The following CEP192 variants were observed in gnomAD, a reference collection of about 807,000 sequenced individuals.
CEP192 encodes centrosomal protein of 192 kDa.
CEP192 carries 151 observed loss-of-function variants against 271.8 expected under a neutral mutation model. That is an observed-to-expected ratio of 0.56 (90% confidence interval 0.49 to 0.64). The LOEUF (loss-of-function observed/expected upper bound fraction) is 0.64. CEP192 is among the 30% of genes least tolerant of loss of function. The probability of loss-of-function intolerance (pLI) is 0.00; values close to 1 mark genes in which losing one functional copy is unlikely to be tolerated. For missense variants in CEP192, 2,910 were observed against 3,020.5 expected, an observed-to-expected ratio of 0.96 and a Z score of 0.86; for synonymous variants, 995 against 1,076.5, an observed-to-expected ratio of 0.92 and a Z score of 1.48.
chr18:13,114,271 C>G lies in CEP192; in HGVS notation c.7289+20C>G, dbSNP rs771090359. On this transcript the variant is annotated intron_variant, in intron 42 of 44. Transcript: ENST00000506447. ...ACCTGAGTATGTTGTTTTTGTCATT[C>G]TTATGAGTTTTTTCCCAGTACTTTA... The G allele has an allele frequency of 1.4e-5, 22 of 1,607,406 alleles. No individual in the cohort carries two copies. In the South Asian group the frequency reaches 2.5e-4, roughly 18 times the overall value.
chr18:13,092,403 G>A lies in CEP192; in HGVS notation c.6130G>A (p.Asp2044Asn), dbSNP rs1243147320. The A allele has an allele frequency of 6.2e-7, 1 of 1,600,762 alleles. No individual in the cohort carries two copies. The highest frequency in any genetic ancestry group is 8.5e-7 in the Non-Finnish European group (1 of 1,171,632). The change falls in exon 34 of 45, where the codon GAT becomes AAT. Residue 2044 changes from aspartate to asparagine, a missense_variant. Asp to Asn is a conservative substitution (Grantham distance 23). Transcript: ENST00000506447. ...ATATGATCTTCCCCAACGACCTAAT[G>A]ATGTTCAGCTCTTTTATGGAAGCAT... is the stretch of plus-strand genomic sequence containing the variant. ...EVYDLPQRPN[D>N]VQLFYGSMCK...
chr18:13,015,720 G>T (rs1323000791), intron 6 of CEP192, among the ~76,000 whole-genome samples: 1 of 151,618 alleles, frequency 6.6e-6, no homozygotes, highest in Non-Finnish European at 1.5e-5. Context: ...ATATAGCATT[G>T]TGTTTAGAAA....
chr18:12,994,822 G>A (rs185654358), intron 1 of CEP192, among the ~76,000 whole-genome samples: 1 of 152,300 alleles, frequency 6.6e-6, no homozygotes, highest in East Asian at 1.9e-4. Flanking sequence ...TCCCTAGTGT[G>A]TAAGAAGTAA....
intron 17 of CEP192, 65 bp from the exon 18 acceptor site, chr18:13,052,854 T>G (rs2036868563): frequency 2.6e-5 from 34 of 1,297,864 alleles, no homozygotes; most frequent in Non-Finnish European, 3.4e-5. Context: ...TAGGAATGGT[T>G]TTTTGCTAAT....
At chr18:13,000,638 T>C (rs2033583377) in intron 2 of CEP192, among the ~76,000 whole-genome samples, 1 of 152,252 alleles carries the variant, frequency 6.6e-6, no homozygotes, top group South Asian at 2.1e-4. Context: ...TTTCAGCTCC[T>C]GAAGTCAAGT....
chr18:13,039,310 C>T (rs61364693), intron 13 of CEP192, among the ~76,000 whole-genome samples: 20,816 of 151,926 alleles, frequency 0.14, 1,587 homozygotes, highest in East Asian at 0.31. Context: ...AAAAAATTAG[C>T]CAGATATGGT....
At chr18:13,079,130 A>G (rs2038451693) in intron 30 of CEP192, among the ~76,000 whole-genome samples, 1 of 152,252 alleles carries the variant, frequency 6.6e-6, no homozygotes. Context: ...AGCATGAATT[A>G]TAATCCTTTG....
intron 7 of CEP192, among the ~76,000 whole-genome samples, 177 bp downstream of exon 7, chr18:13,017,513 C>G (rs2034724353): frequency 6.6e-6 from 1 of 152,114 alleles, no homozygotes; most frequent in African/African-American, 2.4e-5. Flanking sequence ...TGGTACCTTT[C>G]CCTCACCTAC....
chr18:13,070,403 GTAAA>G (rs2037949513), intron 27 of CEP192, among the ~76,000 whole-genome samples: 1 of 152,144 alleles, frequency 6.6e-6, no homozygotes, highest in Non-Finnish European at 1.5e-5. Context: ...TCTGACAAAA[GTAAA>G]TAATAAAAGA....
chr18:13,020,430 G>T (rs575182745), intron 9 of CEP192, among the ~76,000 whole-genome samples: 71 of 152,194 alleles, frequency 4.7e-4, no homozygotes, highest in African/African-American at 1.6e-3. Flanking sequence ...TCTTATGGCC[G>T]AATAATGTTC....
chr18:13,007,212 A>G (rs1040395829), intron 3 of CEP192, among the ~76,000 whole-genome samples: 1 of 152,196 alleles, frequency 6.6e-6, no homozygotes, highest in Admixed American at 6.5e-5. Context: ...GTTCTTACCC[A>G]GATTGCTTCA....
At chr18:13,002,063 A>AT (rs912989064) in intron 3 of CEP192, among the ~76,000 whole-genome samples, 6 of 151,570 alleles carry the variant, frequency 4.0e-5, no homozygotes, top group African/African-American at 7.3e-5. Context: ...CTTTCAAAAC[A>AT]TTTTTTTTTA....
chr18:13,111,167 C>T (rs2145040613), intron 40 of CEP192, among the ~76,000 whole-genome samples: 1 of 152,302 alleles, frequency 6.6e-6, no homozygotes, highest in East Asian at 1.9e-4. Context: ...CTCTGTTGCC[C>T]AGGCTGGAGT....
At chr18:13,098,227 A>G (rs1357249079) in intron 36 of CEP192, among the ~76,000 whole-genome samples, 2 of 151,990 alleles carry the variant, frequency 1.3e-5, no homozygotes, top group Non-Finnish European at 2.9e-5. Context: ...GCGGCCGGGC[A>G]GAGGCACCCC....
chr18:13,116,601 G>T, intron 43 of CEP192, 98 bp downstream of exon 43: 1 of 1,215,138 alleles, frequency 8.2e-7, no homozygotes, highest in South Asian at 1.6e-5. Context: ...TATTTAAGTT[G>T]TAAGAATGAG....
At chr18:13,036,771 A>G (rs1364354726) in intron 11 of CEP192, among the ~76,000 whole-genome samples, 1 of 152,182 alleles carries the variant, frequency 6.6e-6, no homozygotes, top group African/African-American at 2.4e-5. Flanking sequence ...GAGGGCAGAC[A>G]TTAGGGGACT....
intron 13 of CEP192, among the ~76,000 whole-genome samples, chr18:13,039,443 G>A (rs1188302384): frequency 1.5e-5 from 2 of 135,422 alleles, no homozygotes; most frequent in East Asian, 4.2e-4. Context: ...GCAACAGAGC[G>A]AGACTCCATC....
At chr18:12,995,334 G>A (rs1007718134) in intron 1 of CEP192, among the ~76,000 whole-genome samples, 1 of 152,130 alleles carries the variant, frequency 6.6e-6, no homozygotes, top group Non-Finnish European at 1.5e-5. Context: ...AAAGTGCTGG[G>A]ATTACAGGCG....
Position 13,056,494 on chromosome 18 carries a change from G to C in CEP192, c.3904G>C (p.Glu1302Gln), listed in dbSNP as rs1257151218. 1 of 1,614,102 alleles carries C rather than the reference G, an allele frequency of 6.2e-7. No homozygotes were observed. The highest frequency in any genetic ancestry group is 8.5e-7 in the Non-Finnish European group (1 of 1,180,038). ...CCTTCCCTATCCAGCTGTTGCAGGA[G>C]AGCCTGTGCAGAACTCTGTGGCTGT... ...GGLPYPAVAG[E>Q]PVQNSVAVGI... The change falls in exon 19 of 45, where the codon GAG becomes CAG. Residue 1302 changes from glutamate (E) to glutamine (Q), a missense_variant. Glu to Gln is a conservative substitution (Grantham distance 29). Coordinates refer to ENST00000506447, the MANE Select transcript of CEP192 (RefSeq NM_032142.4).
Sources: gnomAD v4.1 joint callset for allele counts (sites outside exome capture counted in the v4.1 genomes callset) on GRCh38, gnomAD v4.1.1 for gene constraint, MANE v1.5 for transcripts, NCBI Gene and HGNC (gene_info 2026-07-23, HGNC 2026-07-21) for gene names.